INTS6L: variants seen among roughly 807,000 people sequenced by gnomAD.
INTS6L encodes integrator complex subunit 6-like.
INTS6L carries 18 observed loss-of-function variants against 64.7 expected under a neutral mutation model. The observed-to-expected ratio is 0.28, with a 90% CI of 0.19 to 0.41. The LOEUF is 0.41. INTS6L is among the 10% of genes least tolerant of loss of function. The pLI, the probability that INTS6L is intolerant of heterozygous loss-of-function variation, is 1.00. For synonymous variants in INTS6L, 227 were observed against 235.9 expected (o/e 0.96, Z 0.34); for missense variants, 533 against 661.0 (o/e 0.81, Z 2.12).
At chrX:135,576,585 C>T (rs1245178189) in intron 14 of INTS6L, among the ~76,000 whole-genome samples, 1 of 111,160 alleles carries the variant, frequency 9.0e-6, no homozygotes, top group Non-Finnish European at 1.9e-5. Context: ...ATACTGCTGC[C>T]TCTCATCTTT....
At chrX:135,575,024 T>C (rs1229355827) in intron 13 of INTS6L, 60 bp from the exon 14 acceptor site, 31 of 1,155,818 alleles carry the variant, frequency 2.7e-5, no homozygotes, top group Non-Finnish European at 3.6e-5. Flanking sequence ...GATCATGTCT[T>C]CTCGAAAGGA....
At position 135,569,374 on chromosome X, in the gene INTS6L, G is replaced by C; in HGVS notation, c.1230G>C (p.Leu410=). The part of the protein sequence containing the change: ...LFKVHKLKPN[L]KWRQAFDSYL... The stretch of plus-strand genomic sequence containing the variant: ...AAGTTCACAAGCTTAAGCCAAATCT[G>C]AAGTGGCGACAGGCTTTTGACAGCT... Residue 410 remains leucine (L), a synonymous_variant, in exon 10 of 18, where the codon CTG becomes CTC. Transcript: ENST00000639893. 8.4e-7 allele frequency: 1 copy of C among 1,189,818 alleles called. No homozygotes were observed. Among genetic ancestry groups the C allele is most frequent in the Non-Finnish European group, 1.1e-6 (1 of 885,220 alleles).
intron 5 of INTS6L, 125 bp from the exon 6 acceptor site, chrX:135,547,012 C>T: frequency 9.1e-7 from 1 of 1,103,716 alleles, no homozygotes; most frequent in Non-Finnish European, 1.2e-6. Context: ...TTAAGGTCAT[C>T]ATTGGTATAT....
At chrX:135,540,313 G>A (rs2086170981) in intron 2 of INTS6L, among the ~76,000 whole-genome samples, 1 of 111,823 alleles carries the variant, frequency 8.9e-6, no homozygotes, top group African/African-American at 3.3e-5. Flanking sequence ...GATAGTAACA[G>A]CACCTACCCA....
chrX:135,561,141 C>T (rs1296352514), intron 9 of INTS6L, among the ~76,000 whole-genome samples: 2 of 108,727 alleles, frequency 1.8e-5, no homozygotes, highest in African/African-American at 6.7e-5. Context: ...TAGTTAGAGA[C>T]GGGGTTTCAC....
At chrX:135,558,190 GTGCACTCTTAGGA>G (rs1334555860) in intron 9 of INTS6L, among the ~76,000 whole-genome samples, 2 of 111,878 alleles carry the variant, frequency 1.8e-5, no homozygotes, top group Non-Finnish European at 1.9e-5. Flanking sequence ...CGGAATTCTT[GTGCACTCTTAGGA>G]ATGTAAAATG....
chrX:135,580,058 T>C lies in INTS6L; in HGVS notation c.2390T>C (p.Leu797Ser). ...CAAAAAGACCCAGTAGCATCTACTT[T>C]GGGAGCTATGCCAAATACATTACAA... ...DDQKDPVAST[L>S]GAMPNTLQIT... Residue 797 changes from leucine to serine, a missense_variant, in exon 16 of 18, where the codon TTG becomes TCG. Physicochemically the swap from Leu to Ser is moderately radical, Grantham distance 145. Transcript: ENST00000639893. The C allele has an allele frequency of 8.3e-7, 1 of 1,211,889 alleles. No individual in the cohort carries two copies. The highest frequency in any genetic ancestry group is 1.1e-6 in the Non-Finnish European group (1 of 895,461).
chrX:135,551,870 A>C, intron 7 of INTS6L, 124 bp from the exon 8 acceptor site: 1 of 617,220 alleles, frequency 1.6e-6, no homozygotes, highest in South Asian at 5.8e-5. Context: ...TCTTTCTCAA[A>C]ATGCTAGTCT....
In INTS6L at chrX:135,545,534, C is replaced by G; in HGVS notation, c.301C>G (p.Leu101Val). 1 of 1,208,897 alleles carries G rather than the reference C, an allele frequency of 8.3e-7. No homozygotes were observed. The highest frequency in any genetic ancestry group is 1.8e-5 in the South Asian group (1 of 56,474). Residue 101 changes from leucine to valine, a missense_variant, in exon 3 of 18, where the codon CTC becomes GTC. By Grantham distance (32) the Leu-to-Val change is conservative (BLOSUM62 1). Coordinates refer to ENST00000639893, the MANE Select transcript of INTS6L (RefSeq NM_001351601.3). The part of the protein sequence containing the change: ...ALRSSFDLLN[L>V]NRLISGIDNY... ...AAGATCCTCATTTGATTTGTTAAAT[C>G]TCAATAGATTAATATCTGGAATAGA... is the stretch of plus-strand genomic sequence containing the variant.
At chrX:135,554,209 G>A (rs980440476) in intron 8 of INTS6L, among the ~76,000 whole-genome samples, 31 of 111,738 alleles carry the variant, frequency 2.8e-4, no homozygotes, top group African/African-American at 9.4e-4. Flanking sequence ...AACTCAAGGG[G>A]CCAAGGAAGG....
chrX:135,521,227 C>G lies in INTS6L; in HGVS notation c.112-14C>G. On this transcript the variant is annotated splice_polypyrimidine_tract_variant and intron_variant, in intron 1 of 17. Transcript: ENST00000639893. ...TTTCCTACGCGACCCCCTCCGTCAT[C>G]CCTTGCCCCGCAGCTGCGCGCCCGG... 1.7e-6 allele frequency: 2 copies of G among 1,206,032 alleles called. No individual in the cohort carries two copies. Among genetic ancestry groups the G allele is most frequent in the Non-Finnish European group, 2.2e-6 (2 of 892,554 alleles).
At chrX:135,530,352 A>G (rs1569507359) in intron 2 of INTS6L, among the ~76,000 whole-genome samples, 1 of 111,668 alleles carries the variant, frequency 9.0e-6, no homozygotes, top group East Asian at 2.8e-4. Flanking sequence ...TTGATGGAGT[A>G]TGAAATAGTT....
At chrX:135,526,558 A>C (rs960603637) in intron 2 of INTS6L, among the ~76,000 whole-genome samples, 4 of 111,811 alleles carry the variant, frequency 3.6e-5, no homozygotes, top group African/African-American at 1.3e-4. Flanking sequence ...ATGTTTTCAA[A>C]AGTCATTTTG....
intron 9 of INTS6L, among the ~76,000 whole-genome samples, chrX:135,563,647 A>G (rs2086852185): frequency 2.4e-4 from 1 of 4,176 alleles, no homozygotes; most frequent in African/African-American, 5.2e-4. Flanking sequence ...ATATATATAT[A>G]TATATATATA....
intron 9 of INTS6L, 67 bp downstream of exon 9, chrX:135,556,367 T>C: frequency 1.1e-6 from 1 of 932,420 alleles, no homozygotes; most frequent in Non-Finnish European, 1.4e-6. Context: ...GATAATAGAC[T>C]AAGCATTTTA....
intron 6 of INTS6L, among the ~76,000 whole-genome samples, chrX:135,548,670 G>C (rs1556516030): frequency 9.0e-6 from 1 of 110,617 alleles, no homozygotes; most frequent in South Asian, 3.9e-4. Context: ...CTCAACTTTG[G>C]GGGGATCCTC....
At chrX:135,571,415 TTGG>T (rs1213781865) in intron 11 of INTS6L, 1 of 112,002 alleles carries the variant, frequency 8.9e-6, no homozygotes, top group Non-Finnish European at 1.9e-5. Context: ...GTTTGGAAGT[TTGG>T]CCTTTAGGAA....
chrX:135,574,142 T>C lies in INTS6L; in HGVS notation c.1741+80T>C, dbSNP rs546075637. 16 of 1,020,033 alleles carry C rather than the reference T, an allele frequency of 1.6e-5. No homozygotes were observed. The South Asian group carries it at 3.5e-4, about 23-fold the overall frequency. 84.1% of individuals were successfully genotyped at this position (1,020,033 alleles called of 1,213,427 possible). ...TTACAGGAAGGTGTTTATTGCATAA[T>C]GAGTAGGCTATTTTATAGTATTTTA... On this transcript the variant is annotated intron_variant, in intron 13 of 17. Transcript: ENST00000639893.
chrX:135,561,986 T>A (rs1318870383), intron 9 of INTS6L, among the ~76,000 whole-genome samples: 3 of 111,797 alleles, frequency 2.7e-5, no homozygotes, highest in African/African-American at 9.7e-5. Context: ...GAACCAGCTG[T>A]TTCATTAATC....
Sources: gnomAD v4.1 joint callset for allele counts (sites outside exome capture counted in the v4.1 genomes callset) on GRCh38, gnomAD v4.1.1 for gene constraint, MANE v1.5 for transcripts, NCBI Gene and HGNC (gene_info 2026-07-23, HGNC 2026-07-21) for gene names.